PAAF1: variants seen among roughly 807,000 people sequenced by gnomAD.
PAAF1 encodes the protein proteasomal ATPase-associated factor 1.
A neutral mutation model predicts 52.8 loss-of-function variants in PAAF1; 46 were observed. The ratio of observed to expected loss-of-function variants is 0.87; its 90% CI spans 0.69 to 1.11. PAAF1 has a LOEUF of 1.11. Among genes scored for constraint, PAAF1 ranks in the 50% most tolerant of loss-of-function variants. The pLI is 0.00. For synonymous variants in PAAF1, 178 were observed against 172.8 expected (o/e 1.03, Z -0.24); for missense variants, 424 against 477.4 (o/e 0.89, Z 1.04).
intron 5 of PAAF1, 30 bp from the exon 6 acceptor site, chr11:73,900,240 C>T (rs772446378): frequency 1.3e-6 from 2 of 1,567,500 alleles, no homozygotes; most frequent in African/African-American, 2.7e-5. Context: ...GACAAGAGAA[C>T]TAGCATGGAA....
chr11:73,913,561 T>C (rs1382835332), intron 7 of PAAF1, among the ~76,000 whole-genome samples: 1 of 152,234 alleles, frequency 6.6e-6, no homozygotes, highest in Non-Finnish European at 1.5e-5. Flanking sequence ...CTCATCACTT[T>C]CTGAAAGTAT....
chr11:73,926,320 G>A (rs1382644389), intron 11 of PAAF1, among the ~76,000 whole-genome samples: 1 of 152,126 alleles, frequency 6.6e-6, no homozygotes, highest in African/African-American at 2.4e-5. Context: ...TGGTCAGGCT[G>A]GTCTTGAACT....
chr11:73,888,017 A>G (rs562608422), intron 3 of PAAF1, among the ~76,000 whole-genome samples: 3 of 152,164 alleles, frequency 2.0e-5, no homozygotes, highest in Non-Finnish European at 4.4e-5. Flanking sequence ...CAAAGTGCTG[A>G]GATTACAGGC....
rs1364799226 is a variant in PAAF1, at chr11:73,899,212, A to C, written c.349A>C (p.Lys117Gln). 23 of 1,613,968 alleles carry C rather than the reference A, an allele frequency of 1.4e-5. No homozygotes were observed. The highest frequency in any genetic ancestry group is 1.9e-5 in the Non-Finnish European group (23 of 1,179,986). ...GTCTTCTAGTACTGACGGGACCATGAAAATCTGGCAGGCTTCCAATGGAGA... is the reference window on the plus strand; with the variant it reads ...GTCTTCTAGTACTGACGGGACCATGCAAATCTGGCAGGCTTCCAATGGAGA... ...GVSSSTDGTM[K>Q]IWQASNGELR... The change falls in exon 5 of 12, where the codon AAA becomes CAA. Residue 117 changes from lysine (K) to glutamine (Q), a missense_variant. Physicochemically the swap from Lys to Gln is moderately conservative, Grantham distance 53 (BLOSUM62 1). Transcript: ENST00000310571.
chr11:73,913,687 G>A (rs1591113522), intron 7 of PAAF1, among the ~76,000 whole-genome samples: 1 of 141,770 alleles, frequency 7.1e-6, no homozygotes, highest in East Asian at 2.0e-4. Flanking sequence ...CATAGAAGAT[G>A]AGGGTAAAAA....
chr11:73,878,642 C>A, intron 1 of PAAF1, 137 bp from the exon 2 acceptor site: 2 of 642,036 alleles, frequency 3.1e-6, no homozygotes, highest in East Asian at 5.2e-5. Flanking sequence ...GATCTATACT[C>A]GATGAGAGGT....
intron 4 of PAAF1, among the ~76,000 whole-genome samples, chr11:73,896,020 G>C (rs2135158480): frequency 6.6e-6 from 1 of 152,290 alleles, no homozygotes; most frequent in South Asian, 2.1e-4. Flanking sequence ...CAGGCAGGAG[G>C]ATCACTTGTT....
chr11:73,908,599 G>T (rs1284688861), intron 6 of PAAF1, among the ~76,000 whole-genome samples: 1 of 151,358 alleles, frequency 6.6e-6, no homozygotes, highest in Non-Finnish European at 1.5e-5. Flanking sequence ...GAGTCATGCT[G>T]TGTCACCCAG....
Position 73,909,496 on chromosome 11 carries a change from C to A in PAAF1, c.630C>A (p.Cys210Ter), listed in dbSNP as rs538860940. The change falls in exon 7 of 12, where the codon TGC (cysteine) becomes TGA (stop). Residue 210 changes from cysteine (C) to a stop codon, truncating the protein, a stop_gained. Transcript: ENST00000310571. LOFTEE classifies it high-confidence loss of function. ...ARLWDCGRSA[C>*]LGVLADCGSS... ...TTTGGGATTGTGGGCGCTCAGCCTG[C>A]TTGGGAGTCCTTGCAGATTGTGGTT... 6.2e-7 allele frequency: 1 copy of A among 1,614,190 alleles called. No homozygotes were observed. Among genetic ancestry groups the A allele is most frequent in the African/African-American group, 1.3e-5 (1 of 75,028 alleles).
At position 73,929,073 on chromosome 11, in the gene PAAF1, C is replaced by T. The variant is rs1181018168; in HGVS notation, c.*1711C>T. 1.3e-5 allele frequency: 2 copies of T among 151,602 alleles called. No individual in the cohort carries two copies. Among genetic ancestry groups the T allele is most frequent in the African/African-American group, 2.4e-5 (1 of 41,190 alleles). The allele number at this position is 151,602 out of a possible 1,614,324, so 9.4% of individuals were successfully genotyped here. A position where few individuals can be genotyped will look rare whatever the true frequency, so the allele number is the denominator to read the frequency against. On this transcript the variant is annotated 3_prime_UTR_variant, in exon 12 of 12. Coordinates refer to ENST00000310571, the MANE Select transcript of PAAF1 (RefSeq NM_025155.3). ...CATGTAAATTTTTTTTTTTTAAAGA[C>T]AGGGTCTTGCTCTGTTGCCCAGGCT...
intron 7 of PAAF1, among the ~76,000 whole-genome samples, chr11:73,911,682 G>A (rs1949935047): frequency 6.8e-6 from 1 of 145,992 alleles, no homozygotes; most frequent in African/African-American, 2.6e-5. Flanking sequence ...GGAGTGCAGT[G>A]GTGCGATCTC....
Position 73,891,188 on chromosome 11 carries a change from T to C in PAAF1, c.269T>C (p.Ile90Thr). The change falls in exon 4 of 12, where the codon ATT (isoleucine) becomes ACT (threonine). Residue 90 changes from isoleucine to threonine, a missense_variant. By Grantham distance (89) the Ile-to-Thr change is moderately conservative (BLOSUM62 -1). Transcript: ENST00000310571. ...GCACCATATACTACTTTTTCCAGAA[T>C]TCATACAAAGAGTGTAAGTATTTTG... ...FLAPYTTFSR[I>T]HTKSITCLDI... 1 of 1,563,332 alleles carries C rather than the reference T, an allele frequency of 6.4e-7. No individual in the cohort carries two copies. The highest frequency in any genetic ancestry group is 8.8e-7 in the Non-Finnish European group (1 of 1,136,572).
At chr11:73,922,681 A>G (rs1565153946) in intron 10 of PAAF1, among the ~76,000 whole-genome samples, 1 of 152,028 alleles carries the variant, frequency 6.6e-6, no homozygotes, top group East Asian at 1.9e-4. Flanking sequence ...GCCGGGCATC[A>G]TGGCGGGCGC....
chr11:73,905,608 TGTAA>T (rs1341722600), intron 6 of PAAF1, among the ~76,000 whole-genome samples: 2 of 152,018 alleles, frequency 1.3e-5, no homozygotes, highest in African/African-American at 4.8e-5. Context: ...ATTCTTGTCG[TGTAA>T]GTGTTAAGAG....
intron 7 of PAAF1, among the ~76,000 whole-genome samples, chr11:73,912,654 G>A (rs1463491139): frequency 6.6e-6 from 1 of 152,108 alleles, no homozygotes; most frequent in African/African-American, 2.4e-5. Flanking sequence ...AAAATCATAA[G>A]TCATGTCACA....
chr11:73,904,028 G>A (rs1418971633), intron 6 of PAAF1, among the ~76,000 whole-genome samples: 1 of 151,526 alleles, frequency 6.6e-6, no homozygotes, highest in Non-Finnish European at 1.5e-5. Flanking sequence ...AGGTTGCATT[G>A]AGCCAAGATT....
intron 2 of PAAF1, among the ~76,000 whole-genome samples, chr11:73,883,157 G>A (rs992565851): frequency 1.3e-5 from 2 of 151,970 alleles, no homozygotes; most frequent in Non-Finnish European, 2.9e-5. Context: ...ATGGGGTCTC[G>A]CTGTGTTTCC....
intron 8 of PAAF1, among the ~76,000 whole-genome samples, chr11:73,914,811 G>C (rs1451860689): frequency 6.6e-6 from 1 of 150,880 alleles, no homozygotes; most frequent in East Asian, 2.0e-4. Flanking sequence ...AGGTTCAAGT[G>C]ATTCTCCTGC....
Position 73,908,417 on chromosome 11 carries a change from A to G in PAAF1, c.533-982A>G, listed in dbSNP as rs563252992. Among the ~76,000 whole-genome samples the G allele has an allele frequency of 8.8e-5, 13 of 147,940 alleles. No homozygotes were observed. The East Asian group carries it at 1.6e-3, about 18-fold the overall frequency. On this transcript the variant is annotated intron_variant, in intron 6 of 11. Coordinates refer to ENST00000310571, the MANE Select transcript of PAAF1 (RefSeq NM_025155.3). ...TATATATGTGTATATATATGTGTGT[A>G]TATATATATATGGGTCTTGCTCCAC...
Sources: gnomAD v4.1 joint callset for allele counts (sites outside exome capture counted in the v4.1 genomes callset) on GRCh38, gnomAD v4.1.1 for gene constraint, MANE v1.5 for transcripts, NCBI Gene and HGNC (gene_info 2026-07-23, HGNC 2026-07-21) for gene names.